Variants in SNTG2 observed in about 807,000 individuals in gnomAD.
SNTG2 encodes gamma-2-syntrophin.
Under a neutral mutation model 70.9 loss-of-function variants are expected in SNTG2, and 74 were observed. The ratio of observed to expected loss-of-function variants is 1.04; its 90% CI spans 0.86 to 1.27. The LOEUF (loss-of-function observed/expected upper bound fraction) is 1.27. Among genes scored for constraint, SNTG2 ranks in the 50% most tolerant of loss-of-function variants. The pLI is 0.00. For synonymous variants in SNTG2, 278 were observed against 273.8 expected, an observed-to-expected ratio of 1.02 and a Z score of -0.15; for missense variants, 717 against 690.7, an observed-to-expected ratio of 1.04 and a Z score of -0.43.
chr2:1,161,706 A>C (rs1035844036), intron 6 of SNTG2: 5 of 152,264 alleles, frequency 3.3e-5, no homozygotes, highest in African/African-American at 4.8e-5. Context: ...TAAAGTCCCC[A>C]AAAAATCAAG....
At chr2:1,207,888 A>G (rs188826594) in intron 8 of SNTG2, among the ~76,000 whole-genome samples, 211 of 152,306 alleles carry the variant, frequency 1.4e-3, no homozygotes, top group Non-Finnish European at 2.6e-3. Flanking sequence ...GGATTAACCA[A>G]TGTGTAAGGT....
At chr2:1,235,656 T>C (rs1676597445) in intron 9 of SNTG2, among the ~76,000 whole-genome samples, 1 of 144,436 alleles carries the variant, frequency 6.9e-6, no homozygotes, top group African/African-American at 2.6e-5. Context: ...GGAGGCACCC[T>C]TACCCCCACG....
chr2:1,269,266 G>C (rs757742435), intron 14 of SNTG2, among the ~76,000 whole-genome samples: 2 of 152,170 alleles, frequency 1.3e-5, no homozygotes, highest in Non-Finnish European at 2.9e-5. Flanking sequence ...CCCTTCTGGA[G>C]GCTAAGAAAA....
chr2:1,246,467 G>T (rs1040602283), intron 11 of SNTG2, among the ~76,000 whole-genome samples: 5 of 152,226 alleles, frequency 3.3e-5, no homozygotes, highest in Admixed American at 1.3e-4. Flanking sequence ...GGTGCATGGG[G>T]CTTGCACACT....
intron 1 of SNTG2, among the ~76,000 whole-genome samples, chr2:1,063,447 A>G (rs1662954030): frequency 6.6e-6 from 1 of 152,182 alleles, no homozygotes. Flanking sequence ...GTTCCCTCTC[A>G]GGCACAGCTG....
chr2:965,964 G>A (rs1200911141), intron 1 of SNTG2, among the ~76,000 whole-genome samples: 4 of 151,960 alleles, frequency 2.6e-5, no homozygotes, highest in Admixed American at 6.5e-5. Flanking sequence ...GGCTGCTCCC[G>A]GCTCCTCCCA....
At chr2:955,868 T>C (rs1319989915) in intron 1 of SNTG2, among the ~76,000 whole-genome samples, 1 of 152,142 alleles carries the variant, frequency 6.6e-6, no homozygotes, top group Non-Finnish European at 1.5e-5. Context: ...TAGTCTGGGG[T>C]CCCAGCTACC....
Position 1,222,508 on chromosome 2 carries a change from GT to G in SNTG2, c.719+13279del, listed in dbSNP as rs1558555783. 1.2e-4 allele frequency among the ~76,000 whole-genome samples: 16 copies of G among 138,918 alleles called. No homozygotes were observed. The East Asian group carries it at 2.6e-3, about 23-fold the overall frequency. The allele number at this position is 138,918 out of a possible 152,430, so 91.1% of individuals were successfully genotyped here. A position where few individuals can be genotyped will look rare whatever the true frequency, so the allele number is the denominator to read the frequency against. Reference sequence around the variant, plus strand: ...GGAAAGTGGTGCAGTGATGGAGGGCGTCTCCCTGTCCTGCCTGCTGCTGGAG... The same window carrying G: ...GGAAAGTGGTGCAGTGATGGAGGGCGCTCCCTGTCCTGCCTGCTGCTGGAG... On this transcript the variant is annotated intron_variant, in intron 9 of 16. Coordinates refer to ENST00000308624, the MANE Select transcript of SNTG2 (RefSeq NM_018968.4).
intron 16 of SNTG2, among the ~76,000 whole-genome samples, chr2:1,355,184 G>GT (rs1448146177): frequency 6.6e-6 from 1 of 152,176 alleles, no homozygotes; most frequent in Non-Finnish European, 1.5e-5. Flanking sequence ...TCTGGTTTTC[G>GT]TATTTGTTTA....
In SNTG2 at chr2:1,247,395, G is replaced by C. The variant is rs751012758; in HGVS notation, c.957G>C (p.Lys319Asn). Residue 319 changes from lysine (K) to asparagine (N), a missense_variant, in exon 12 of 17, where the codon AAG becomes AAC. Coordinates refer to ENST00000308624, the MANE Select transcript of SNTG2 (RefSeq NM_018968.4). ...GADSSQTFRP[K>N]FLALKGPSFY... ...ACTCCTCTCAAACCTTCAGACCCAA[G>C]TTCCTAGCACTGAAGGGCCCGTCCT... 2 of 1,613,868 alleles carry C rather than the reference G, an allele frequency of 1.2e-6. No homozygotes were observed. The highest frequency in any genetic ancestry group is 1.7e-6 in the Non-Finnish European group (2 of 1,179,880).
In SNTG2 at chr2:1,093,789, G is replaced by C. The variant is rs547227241; in HGVS notation, c.211-4407G>C. 2.6e-5 allele frequency among the ~76,000 whole-genome samples: 4 copies of C among 152,374 alleles called. No individual in the cohort carries two copies. In the East Asian group the frequency reaches 7.7e-4, roughly 29 times the overall value. On this transcript the variant is annotated intron_variant, in intron 2 of 16. Transcript: ENST00000308624. ...CTGTTGAGGCAGCTTGGGCTCCACC[G>C]TAATAAGGAACCACAGGTGGGCTGG...
intron 1 of SNTG2, among the ~76,000 whole-genome samples, chr2:988,889 T>C (rs913627656): frequency 6.6e-6 from 1 of 152,222 alleles, no homozygotes; most frequent in Non-Finnish European, 1.5e-5. Flanking sequence ...ATACATTTCT[T>C]ATTTAGATCT....
chr2:988,455 T>G (rs1470793370), intron 1 of SNTG2, among the ~76,000 whole-genome samples: 1 of 152,226 alleles, frequency 6.6e-6, no homozygotes, highest in Non-Finnish European at 1.5e-5. Flanking sequence ...GGCTTCTTTT[T>G]TCAGACTTCT....
chr2:1,007,016 G>A (rs540911642), intron 1 of SNTG2, among the ~76,000 whole-genome samples: 2 of 151,144 alleles, frequency 1.3e-5, no homozygotes, highest in Non-Finnish European at 2.9e-5. Flanking sequence ...GCAACAGAGC[G>A]AAACTCCATC....
intron 1 of SNTG2, among the ~76,000 whole-genome samples, chr2:1,062,066 TAGA>T (rs1156999539): frequency 5.9e-5 from 9 of 152,050 alleles, no homozygotes; most frequent in African/African-American, 1.7e-4. Flanking sequence ...ATGAGTGTAA[TAGA>T]GGAGAGAAAC....
At chr2:1,137,501 T>TACAC in intron 4 of SNTG2, 121 bp from the exon 5 acceptor site, 7 of 681,724 alleles carry the variant, frequency 1.0e-5, no homozygotes, top group Non-Finnish European at 1.7e-5. Flanking sequence ...CGTGGACACA[T>TACAC]GCACACACAC....
At position 1,214,684 on chromosome 2, in the gene SNTG2, CAG is replaced by C. The variant is rs140547411; in HGVS notation, c.719+5458_719+5459del. On this transcript the variant is annotated intron_variant, in intron 9 of 16. Coordinates refer to ENST00000308624, the MANE Select transcript of SNTG2 (RefSeq NM_018968.4). ...TATATAAGCTTATGTCATCAGCAAA[CAG>C]AGACAATTTCACTTCTTCCTTTTCT... Among the ~76,000 whole-genome samples the C allele has an allele frequency of 6.1e-3, 926 of 152,188 alleles. 10 individuals carry two copies. Among genetic ancestry groups the C allele is most frequent in the African/African-American group, 0.021 (885 of 41,534 alleles).
chr2:1,322,531 T>C (rs1681578605), intron 16 of SNTG2, among the ~76,000 whole-genome samples: 1 of 152,134 alleles, frequency 6.6e-6, no homozygotes, highest in African/African-American at 2.4e-5. Context: ...ATAATAAAAA[T>C]TAATATGGCC....
chr2:1,328,869 A>G (rs1681870204), intron 16 of SNTG2, among the ~76,000 whole-genome samples: 1 of 152,134 alleles, frequency 6.6e-6, no homozygotes, highest in Non-Finnish European at 1.5e-5. Flanking sequence ...ATACACACAC[A>G]TACACATGCA....
Sources: gnomAD v4.1 joint callset for allele counts (sites outside exome capture counted in the v4.1 genomes callset) on GRCh38, gnomAD v4.1.1 for gene constraint, MANE v1.5 for transcripts, NCBI Gene and HGNC (gene_info 2026-07-23, HGNC 2026-07-21) for gene names.